The following TNR variants were observed in gnomAD, a reference collection of about 807,000 sequenced individuals.
The protein encoded by TNR is tenascin R.
A neutral mutation model predicts 150.4 loss-of-function variants in TNR; 45 were observed. That is an observed-to-expected ratio of 0.30 (90% confidence interval 0.24 to 0.38). TNR has a LOEUF of 0.38. TNR is among the 10% of genes least tolerant of loss of function. The probability of loss-of-function intolerance (pLI) is 1.00; values close to 1 mark genes in which losing one functional copy is unlikely to be tolerated. For synonymous variants in TNR, 687 were observed against 678.4 expected, an observed-to-expected ratio of 1.01 and a Z score of -0.20; for missense variants, 1,544 against 1,759.1, an observed-to-expected ratio of 0.88 and a Z score of 2.19.
intron 2 of TNR, among the ~76,000 whole-genome samples, chr1:175,455,707 C>T (rs928032152): frequency 2.0e-5 from 3 of 152,130 alleles, no homozygotes; most frequent in Admixed American, 1.3e-4. Context: ...GGGAGACATT[C>T]GAGGAAGAGA....
chr1:175,551,066 A>C (rs1435067855), intron 1 of TNR, among the ~76,000 whole-genome samples: 3 of 152,210 alleles, frequency 2.0e-5, no homozygotes, highest in Non-Finnish European at 4.4e-5. Context: ...AGAGAAATGC[A>C]AAGAAAATGG....
At chr1:175,730,548 A>G (rs1003048930) in intron 1 of TNR, among the ~76,000 whole-genome samples, 2 of 152,220 alleles carry the variant, frequency 1.3e-5, no homozygotes, top group African/African-American at 4.8e-5. Context: ...GTTGAAATAG[A>G]GAACACTGGA....
chr1:175,711,685 G>A (rs1571778520), intron 1 of TNR, among the ~76,000 whole-genome samples: 1 of 152,208 alleles, frequency 6.6e-6, no homozygotes, highest in East Asian at 1.9e-4. Context: ...CACTGAGAGA[G>A]GTGGTGGGAG....
At chr1:175,644,211 C>G (rs1400280675) in intron 1 of TNR, among the ~76,000 whole-genome samples, 1 of 152,186 alleles carries the variant, frequency 6.6e-6, no homozygotes, top group African/African-American at 2.4e-5. Flanking sequence ...TGTGCATCAA[C>G]AGACACATTG....
intron 1 of TNR, among the ~76,000 whole-genome samples, chr1:175,655,102 T>G (rs747821307): frequency 5.3e-5 from 8 of 152,112 alleles, no homozygotes; most frequent in Non-Finnish European, 1.0e-4. Flanking sequence ...GAGGACTGAT[T>G]TAGCTTTATG....
chr1:175,406,388 CTCGTGG>C lies in TNR; in HGVS notation c.321_326del (p.Asp107_His108del). On this transcript the variant is annotated inframe_deletion, in exon 3 of 23. Coordinates refer to ENST00000367674, the MANE Select transcript of TNR (RefSeq NM_003285.3). ...TCCTGTGTGTAAAGGTGACCTGGCT[CTCGTGG>C]TCTGAGGTCTGGCCCATGTACTCTG... 1 of 1,614,192 alleles carries C rather than the reference CTCGTGG, an allele frequency of 6.2e-7. No homozygotes were observed. Among genetic ancestry groups the C allele is most frequent in the East Asian group, 2.2e-5 (1 of 44,878 alleles).
At chr1:175,483,078 T>G (rs927285339) in intron 2 of TNR, among the ~76,000 whole-genome samples, 1 of 152,198 alleles carries the variant, frequency 6.6e-6, no homozygotes, top group East Asian at 1.9e-4. Context: ...CCCTAAACAT[T>G]TGTAAAACAC....
chr1:175,657,853 GTATATATATATATATATATA>G lies in TNR; in HGVS notation c.-165+85353_-165+85372del, dbSNP rs59315046. 3.0e-4 allele frequency among the ~76,000 whole-genome samples: 21 copies of G among 70,486 alleles called. 2 individuals carry two copies. The highest frequency in any genetic ancestry group is 4.1e-4 in the Non-Finnish European group (15 of 36,292). 46.2% of individuals were successfully genotyped at this position (70,486 alleles called of 152,430 possible). On this transcript the variant is annotated intron_variant, in intron 1 of 22. Coordinates refer to ENST00000367674, the MANE Select transcript of TNR (RefSeq NM_003285.3). The stretch of plus-strand genomic sequence containing the variant: ...GGTGCAGCACACCAACATGGAACAT[GTATATATATATATATATATA>G]TATATATATATGTAACAAACCTGCA...
chr1:175,738,446 C>T (rs529346610), intron 1 of TNR, among the ~76,000 whole-genome samples: 2 of 152,258 alleles, frequency 1.3e-5, no homozygotes, highest in African/African-American at 4.8e-5. Flanking sequence ...TATGATTTCA[C>T]TTACATGTAG....
At chr1:175,407,967 G>A (rs1164548130) in intron 2 of TNR, among the ~76,000 whole-genome samples, 3 of 152,150 alleles carry the variant, frequency 2.0e-5, no homozygotes, top group Non-Finnish European at 4.4e-5. Flanking sequence ...GGAATATCGC[G>A]ATTAGAAAAT....
At position 175,320,778 on chromosome 1, in the gene TNR, C is replaced by T. The variant is rs1328369417; in HGVS notation, c.*2579G>A. 1 of 148,686 alleles carries T rather than the reference C, an allele frequency of 6.7e-6. No individual in the cohort carries two copies. Among genetic ancestry groups the T allele is most frequent in the African/African-American group, 2.5e-5 (1 of 39,562 alleles). The allele number at this position is 148,686 out of a possible 1,614,324, so 9.2% of individuals were successfully genotyped here. On this transcript the variant is annotated 3_prime_UTR_variant, in exon 23 of 23. Transcript: ENST00000367674. ...TCTCTTTTCTTTCCCTCCCTCCCTC[C>T]CCTTCCTTCTTTCCTTCCTTCCTTC...
chr1:175,696,238 TTTTTTTC>T lies in TNR; in HGVS notation c.-165+46981_-165+46987del, dbSNP rs1234714702. 3.3e-3 allele frequency among the ~76,000 whole-genome samples: 446 copies of T among 134,000 alleles called. 8 individuals are homozygous for T. Among genetic ancestry groups the T allele is most frequent in the African/African-American group, 0.013 (425 of 33,056 alleles). The allele number at this position is 134,000 out of a possible 152,430, so 87.9% of individuals were successfully genotyped here. On this transcript the variant is annotated intron_variant, in intron 1 of 22. Transcript: ENST00000367674. ...TGTAGTTTTTTTTTTTTTTTTTTTT[TTTTTTTC>T]CAAAATTTAAGGGACCAATCTAGAA... is the stretch of plus-strand genomic sequence containing the variant.
chr1:175,480,938 AC>A (rs760316497), intron 2 of TNR, among the ~76,000 whole-genome samples: 6 of 152,298 alleles, frequency 3.9e-5, no homozygotes, highest in Admixed American at 2.0e-4. Context: ...GTATTTATTC[AC>A]CCAAAGGTTG....
At chr1:175,386,336 GA>G in intron 7 of TNR, 35 bp from the exon 8 acceptor site, 1 of 1,507,602 alleles carries the variant, frequency 6.6e-7, no homozygotes, top group Non-Finnish European at 8.9e-7. Context: ...CAAAAAGTTT[GA>G]ATGAGAAATA....
At chr1:175,427,100 C>A (rs1281299722) in intron 2 of TNR, among the ~76,000 whole-genome samples, 2 of 150,180 alleles carry the variant, frequency 1.3e-5, no homozygotes, top group Non-Finnish European at 3.0e-5. Flanking sequence ...CTGCACAATG[C>A]CATGCATTCT....
intron 1 of TNR, among the ~76,000 whole-genome samples, chr1:175,664,247 G>A (rs557724761): frequency 9.8e-5 from 15 of 152,332 alleles, no homozygotes; most frequent in African/African-American, 3.1e-4. Context: ...TTGGCCATGC[G>A]GGACCTGGGA....
chr1:175,355,585 C>G lies in TNR; in HGVS notation c.3167G>C (p.Ser1056Thr). Reference sequence around the variant, plus strand: ...GGGAGGCTGCCAGGAGATCAGGGCACTTTGTCTGGTGACTTCACTGGCTGT... The same window carrying G: ...GGGAGGCTGCCAGGAGATCAGGGCAGTTTGTCTGGTGACTTCACTGGCTGT... Reference protein sequence around the residue: ...NLTASEVTRQSALISWQPPRA... With the variant: ...NLTASEVTRQTALISWQPPRA... Residue 1056 changes from serine to threonine, a missense_variant, in exon 17 of 23, where the codon AGT becomes ACT. By Grantham distance (58) the Ser-to-Thr change is moderately conservative. Coordinates refer to ENST00000367674, the MANE Select transcript of TNR (RefSeq NM_003285.3). The G allele has an allele frequency of 6.2e-7, 1 of 1,614,070 alleles. No individual in the cohort carries two copies. The highest frequency in any genetic ancestry group is 1.1e-5 in the South Asian group (1 of 91,086).
intron 20 of TNR, among the ~76,000 whole-genome samples, chr1:175,333,975 G>C (rs946557634): frequency 6.6e-6 from 1 of 152,126 alleles, no homozygotes; most frequent in Admixed American, 6.5e-5. Context: ...GAGAGGAGTC[G>C]GGGGAAGAGC....
At chr1:175,678,849 T>A (rs968530820) in intron 1 of TNR, among the ~76,000 whole-genome samples, 3 of 152,198 alleles carry the variant, frequency 2.0e-5, no homozygotes, top group Non-Finnish European at 4.4e-5. Context: ...GCAGAGAGAC[T>A]AGGAGATATC....
Sources: allele counts gnomAD v4.1 joint callset (sites outside exome capture counted in the v4.1 genomes callset), GRCh38; gene constraint gnomAD v4.1.1; transcripts MANE v1.5; gene names NCBI Gene and HGNC (gene_info 2026-07-23, HGNC 2026-07-21).